WDR41: variants seen among roughly 807,000 people sequenced by gnomAD.
The protein encoded by WDR41 is WD repeat-containing protein 41.
A neutral mutation model predicts 69.3 loss-of-function variants in WDR41; 63 were observed. The ratio of observed to expected loss-of-function variants is 0.91; its 90% CI spans 0.74 to 1.12. WDR41 has a LOEUF of 1.12. Among genes scored for constraint, WDR41 ranks in the 50% most tolerant of loss-of-function variants. WDR41 has a pLI of 0.00. For missense variants in WDR41, 543 were observed against 534.5 expected (o/e 1.02, Z -0.16); for synonymous variants, 185 against 192.1 (o/e 0.96, Z 0.31).
chr5:77,483,151 T>G (rs1175618305), intron 2 of WDR41, among the ~76,000 whole-genome samples: 1 of 151,806 alleles, frequency 6.6e-6, no homozygotes, highest in Non-Finnish European at 1.5e-5. Context: ...TTATTTTTCT[T>G]TTTTGAGACA....
At chr5:77,607,875 C>G (rs761546432) in intron 1 of WDR41, among the ~76,000 whole-genome samples, 22 of 152,138 alleles carry the variant, frequency 1.4e-4, no homozygotes, top group Non-Finnish European at 2.6e-4. Context: ...TCTAATTCTA[C>G]TCCTTCCATT....
chr5:77,586,887 T>A (rs1744049899), intron 1 of WDR41, among the ~76,000 whole-genome samples: 2 of 149,442 alleles, frequency 1.3e-5, no homozygotes, highest in Admixed American at 1.3e-4. Flanking sequence ...CCTGGCTAAT[T>A]TTTTGTATTT....
chr5:77,514,169 C>G (rs1043190862), intron 1 of WDR41, among the ~76,000 whole-genome samples: 4 of 152,070 alleles, frequency 2.6e-5, no homozygotes, highest in African/African-American at 9.7e-5. Flanking sequence ...CCTTTTAAAT[C>G]ATTCTTAGCA....
At chr5:77,478,568 CA>C (rs1801075417) in intron 2 of WDR41, among the ~76,000 whole-genome samples, 1 of 152,134 alleles carries the variant, frequency 6.6e-6, no homozygotes, top group South Asian at 2.1e-4. Flanking sequence ...GAACCAAAGA[CA>C]AAAACCACAT....
chr5:77,493,020 A>G (rs1314288292), upstream of WDR41, among the ~76,000 whole-genome samples: 2 of 152,100 alleles, frequency 1.3e-5, no homozygotes, highest in African/African-American at 2.4e-5. Flanking sequence ...TTTTTTGACT[A>G]CTACATTTTC....
intron 5 of WDR41, among the ~76,000 whole-genome samples, chr5:77,455,036 G>C (rs959924100): frequency 6.6e-6 from 1 of 152,116 alleles, no homozygotes; most frequent in Non-Finnish European, 1.5e-5. Context: ...GAGTAAGACT[G>C]CTGGGTCAAA....
At chr5:77,556,884 G>T (rs945215600) in intron 1 of WDR41, among the ~76,000 whole-genome samples, 4 of 152,146 alleles carry the variant, frequency 2.6e-5, no homozygotes, top group Admixed American at 6.5e-5. Context: ...CAGTGATAGG[G>T]CCAGTATGAG....
At chr5:77,534,154 T>C (rs1561216894) in intron 1 of WDR41, among the ~76,000 whole-genome samples, 2 of 151,756 alleles carry the variant, frequency 1.3e-5, no homozygotes, top group Non-Finnish European at 2.9e-5. Flanking sequence ...AAGTATTATT[T>C]ACTTTAAAAA....
intron 1 of WDR41, among the ~76,000 whole-genome samples, chr5:77,520,505 C>T (rs1461845819): frequency 6.6e-6 from 1 of 152,108 alleles, no homozygotes; most frequent in Non-Finnish European, 1.5e-5. Context: ...AGCTCAAAGA[C>T]CTGACACCGC....
At chr5:77,516,295 T>C (rs1237074801) in intron 1 of WDR41, among the ~76,000 whole-genome samples, 1 of 152,234 alleles carries the variant, frequency 6.6e-6, no homozygotes, top group African/African-American at 2.4e-5. Context: ...AACAGTACCC[T>C]TTCTAATACT....
chr5:77,616,483 G>A (rs1744683652), intron 1 of WDR41, among the ~76,000 whole-genome samples: 1 of 152,232 alleles, frequency 6.6e-6, no homozygotes, highest in South Asian at 2.1e-4. Context: ...AACTAAGGAT[G>A]CCCTGGGGAG....
intron 1 of WDR41, among the ~76,000 whole-genome samples, chr5:77,560,000 A>G (rs1331266171): frequency 6.6e-6 from 1 of 152,138 alleles, no homozygotes; most frequent in Non-Finnish European, 1.5e-5. Flanking sequence ...AAAAAGGGGG[A>G]AAAGGGAGAC....
At chr5:77,445,240 T>C (rs147424994) in intron 8 of WDR41, among the ~76,000 whole-genome samples, 3,329 of 152,218 alleles carry the variant, frequency 0.022, 88 homozygotes, top group African/African-American at 0.067. Flanking sequence ...AGAAGTCGAA[T>C]CCCTGAATAG....
In WDR41 at chr5:77,594,798, C is replaced by T. The variant is rs536840232; in HGVS notation, c.42+25681G>A. Among the ~76,000 whole-genome samples the T allele has an allele frequency of 3.8e-4, 58 of 152,222 alleles. No individual in the cohort carries two copies. The Middle Eastern group carries it at 0.017, about 45-fold the overall frequency. ...TTATTTGAATGCAGCCTGCATTATG[C>T]GGAAAAATGTGTTACTTTCATCTTA... On this transcript the variant is annotated intron_variant, in intron 1 of 5. Transcript: ENST00000509971.
chr5:77,511,467 C>A (rs1802201835), intron 1 of WDR41, among the ~76,000 whole-genome samples: 1 of 152,176 alleles, frequency 6.6e-6, no homozygotes, highest in South Asian at 2.1e-4. Flanking sequence ...TGACAGAAAT[C>A]CACCATAACA....
chr5:77,489,324 T>C, intron 2 of WDR41, 133 bp downstream of exon 2: 1 of 486,622 alleles, frequency 2.1e-6, no homozygotes, highest in Non-Finnish European at 3.5e-6. Flanking sequence ...AATTTCAATT[T>C]CTACTAAATG....
At chr5:77,580,105 T>C (rs7703193) in intron 1 of WDR41, among the ~76,000 whole-genome samples, 4,101 of 152,284 alleles carry the variant, frequency 0.027, 161 homozygotes, top group African/African-American at 0.09. Flanking sequence ...ATAGACATTA[T>C]TGAAATTAAA....
intron 8 of WDR41, 104 bp from the exon 9 acceptor site, chr5:77,441,101 A>G (rs1799145443): frequency 1.6e-6 from 2 of 1,241,974 alleles, no homozygotes; most frequent in Non-Finnish European, 2.1e-6. Flanking sequence ...CACAGTAATT[A>G]GAACAGTGAG....
chr5:77,452,133 G>C (rs1799652025), intron 6 of WDR41: 1 of 152,058 alleles, frequency 6.6e-6, no homozygotes, highest in Non-Finnish European at 1.5e-5. Flanking sequence ...TCAAAGGACT[G>C]ACTGTTGTGA....
Sources: allele counts gnomAD v4.1 joint callset (sites outside exome capture counted in the v4.1 genomes callset), GRCh38; gene constraint gnomAD v4.1.1; transcripts MANE v1.5; gene names NCBI Gene and HGNC (gene_info 2026-07-23, HGNC 2026-07-21).